Variants in ADGRA2 observed in about 807,000 individuals in gnomAD.
ADGRA2 encodes G-protein coupled receptor 124.
A neutral mutation model predicts 98.7 loss-of-function variants in ADGRA2; 61 were observed. That is an observed-to-expected ratio of 0.62 (90% CI 0.50 to 0.76). ADGRA2 has a LOEUF of 0.76. ADGRA2 is among the 30% of genes least tolerant of loss of function. The pLI, the probability that ADGRA2 is intolerant of heterozygous loss-of-function variation, is 0.00. For missense variants in ADGRA2, 1,712 were observed against 1,860.0 expected (o/e 0.92, Z 1.46); for synonymous variants, 858 against 831.5 (o/e 1.03, Z -0.55).
At chr8:37,800,260 A>G (rs964722608) in intron 1 of ADGRA2, among the ~76,000 whole-genome samples, 1 of 152,176 alleles carries the variant, frequency 6.6e-6, no homozygotes, top group African/African-American at 2.4e-5. Context: ...CAGAGGAGAG[A>G]TGTATGGACC....
chr8:37,811,255 C>T (rs1244856387), intron 1 of ADGRA2, among the ~76,000 whole-genome samples: 3 of 148,940 alleles, frequency 2.0e-5, no homozygotes, highest in African/African-American at 7.4e-5. Context: ...CTGCAACCTC[C>T]GCCTCTTGGG....
rs1175011872 is a variant in ADGRA2 at position 37,830,503 on chromosome 8, T to C, written c.719-207T>C. ...GGTAACACGTGTGCTGAGAAAGGAG[T>C]ACTTTTCTTTGTCCAAAAACCGCCT... On this transcript the variant is annotated intron_variant, in intron 6 of 18. Coordinates refer to ENST00000412232, the MANE Select transcript of ADGRA2 (RefSeq NM_032777.10). This position sits in a 1 kb window ranked among gnomAD's most constrained non-coding sequence, Gnocchi z 4.8. Among the ~76,000 whole-genome samples the C allele has an allele frequency of 6.6e-6, 1 of 151,932 alleles. No individual in the cohort carries two copies. The highest frequency in any genetic ancestry group is 2.4e-5 in the African/African-American group (1 of 41,344).
Position 37,834,568 on chromosome 8 carries a change from C to T in ADGRA2, c.1608+440C>T, listed in dbSNP as rs757398740. ...CTTGGGGCGATGCAAAGGGGTGAGA[C>T]ATGGAGCCTGCTCTACAGCTGAGTC... On this transcript the variant is annotated intron_variant, in intron 11 of 18. Coordinates refer to ENST00000412232, the MANE Select transcript of ADGRA2 (RefSeq NM_032777.10). The surrounding 1 kb of genome is among the most constrained non-coding windows in gnomAD (Gnocchi z 4.2). Among the ~76,000 whole-genome samples, 2 of 152,160 alleles carry T rather than the reference C, an allele frequency of 1.3e-5. No individual in the cohort carries two copies. The highest frequency in any genetic ancestry group is 2.9e-5 in the Non-Finnish European group (2 of 68,032).
At chr8:37,824,440 T>C (rs1258271771) in intron 2 of ADGRA2, among the ~76,000 whole-genome samples, 1 of 152,010 alleles carries the variant, frequency 6.6e-6, no homozygotes, top group Non-Finnish European at 1.5e-5. Context: ...ATATTTTCTC[T>C]CATTTTGTGG....
chr8:37,825,982 A>G (rs1805268803), intron 2 of ADGRA2, among the ~76,000 whole-genome samples: 1 of 152,150 alleles, frequency 6.6e-6, no homozygotes, highest in Non-Finnish European at 1.5e-5. Context: ...AGGCCCCAGC[A>G]TGGCTGGGCT....
In ADGRA2 at chr8:37,844,812, C is replaced by T. The variant is rs746840840; in HGVS notation, c.*2457C>T. 10 of 1,614,048 alleles carry T rather than the reference C, an allele frequency of 6.2e-6. No individual in the cohort carries two copies. The highest frequency in any genetic ancestry group is 2.2e-5 in the East Asian group (1 of 44,888). ...GGTCTCCACTTCTGCTGTCCCATCC[C>T]GAAAGGCAGAGCGGACCAGTGACTG... On this transcript the variant is annotated 3_prime_UTR_variant, in exon 19 of 19. Transcript: ENST00000412232.
At chr8:37,818,018 G>A (rs538000633) in intron 2 of ADGRA2, among the ~76,000 whole-genome samples, 11 of 152,244 alleles carry the variant, frequency 7.2e-5, no homozygotes, top group South Asian at 2.1e-4. Flanking sequence ...GCAAGACTCC[G>A]TCTCTAAATA....
In ADGRA2 at chr8:37,797,416, C is replaced by T. The variant is rs1396494691; in HGVS notation, c.148C>T (p.Arg50Trp). 2 of 1,429,974 alleles carry T rather than the reference C, an allele frequency of 1.4e-6. No homozygotes were observed. The highest frequency in any genetic ancestry group is 2.4e-4 in the Middle Eastern group (1 of 4,164). The allele number at this position is 1,429,974 out of a possible 1,614,324, so 88.6% of individuals were successfully genotyped here. ...SIRSCKCSGE[R>W]PKGLSGGVPG... ...CCGCAGCTGCAAGTGCTCGGGGGAGCGGCCCAAGGGGCTGAGCGGCGGCGT... is the reference window on the plus strand; with the variant it reads ...CCGCAGCTGCAAGTGCTCGGGGGAGTGGCCCAAGGGGCTGAGCGGCGGCGT... The change falls in exon 1 of 19, where the codon CGG becomes TGG. Residue 50 changes from arginine (R) to tryptophan (W), a missense_variant. Arg to Trp is a moderately radical substitution (Grantham distance 101). Transcript: ENST00000412232. The surrounding 1 kb of genome is among the most constrained non-coding windows in gnomAD (Gnocchi z 5.3).
chr8:37,838,032 G>A, intron 14 of ADGRA2, 93 bp downstream of exon 14: 1 of 1,070,530 alleles, frequency 9.3e-7, no homozygotes, highest in East Asian at 2.8e-5. Flanking sequence ...TGGGACCATG[G>A]AGAAATACAG....
Position 37,830,627 on chromosome 8 carries a change from C to T in ADGRA2, c.719-83C>T. 1.4e-6 allele frequency: 1 copy of T among 707,978 alleles called. No individual in the cohort carries two copies. Among genetic ancestry groups the T allele is most frequent in the South Asian group, 1.7e-5 (1 of 59,064 alleles). 43.9% of individuals were successfully genotyped at this position (707,978 alleles called of 1,614,324 possible). On this transcript the variant is annotated intron_variant, in intron 6 of 18. Coordinates refer to ENST00000412232, the MANE Select transcript of ADGRA2 (RefSeq NM_032777.10). The surrounding 1 kb of genome is among the most constrained non-coding windows in gnomAD (Gnocchi z 4.8). ...GGCCGAGGGCCCCGCCCCGCCCCAC[C>T]CCATCCTGCTGGACTCTCGCTCACA...
chr8:37,799,325 C>T (rs1467293962), intron 1 of ADGRA2, among the ~76,000 whole-genome samples: 2 of 150,528 alleles, frequency 1.3e-5, no homozygotes, highest in African/African-American at 4.9e-5. Flanking sequence ...CAGTGAGCCG[C>T]GATCACGCCA....
Position 37,841,606 on chromosome 8 carries a change from G to C in ADGRA2, c.3268G>C (p.Ala1090Pro), listed in dbSNP as rs762464508. The change falls in exon 19 of 19, where the codon GCG (alanine) becomes CCG (proline). Residue 1090 changes from alanine (A) to proline (P), a missense_variant. Physicochemically the swap from Ala to Pro is conservative, Grantham distance 27. Coordinates refer to ENST00000412232, the MANE Select transcript of ADGRA2 (RefSeq NM_032777.10). The surrounding 1 kb of genome is among the most constrained non-coding windows in gnomAD (Gnocchi z 5.0). ...CGCCTGCTGCCCCCCTGCCTCTCCC[G>C]CGGCCCCCCATGCCCCGCCCCGGGC... ...WRACCPPASPAAPHAPPRALP... is the reference protein window; with the variant it reads ...WRACCPPASPPAPHAPPRALP... The C allele has an allele frequency of 1.9e-4, 299 of 1,564,114 alleles. No individual in the cohort carries two copies. Among genetic ancestry groups the C allele is most frequent in the Non-Finnish European group, 2.4e-4 (272 of 1,155,356 alleles).
intron 2 of ADGRA2, among the ~76,000 whole-genome samples, chr8:37,826,339 G>A (rs1043733623): frequency 4.6e-5 from 7 of 152,128 alleles, no homozygotes; most frequent in African/African-American, 1.4e-4. Context: ...CAAAACGGTG[G>A]GGGCTGGGCC....
At position 37,797,528 on chromosome 8, in the gene ADGRA2, T is replaced by C. The variant is rs767013969; in HGVS notation, c.260T>C (p.Val87Ala). The change falls in exon 1 of 19, where the codon GTT becomes GCT. Residue 87 changes from valine (V) to alanine (A), a missense_variant. Physicochemically the swap from Val to Ala is moderately conservative, Grantham distance 64. Transcript: ENST00000412232. The surrounding 1 kb of genome is among the most constrained non-coding windows in gnomAD (Gnocchi z 5.3). ...PEPGLLPNGT[V>A]TLLLSNNKIT... The stretch of plus-strand genomic sequence containing the variant: ...CCCGGCCTTCTGCCTAACGGCACCG[T>C]TACCCTGTGAGTACCCTACCAGGCC... 3 of 1,397,728 alleles carry C rather than the reference T, an allele frequency of 2.1e-6. No homozygotes were observed. The highest frequency in any genetic ancestry group is 5.6e-5 in the East Asian group (2 of 35,928). 86.6% of individuals were successfully genotyped at this position (1,397,728 alleles called of 1,614,324 possible). A position where few individuals can be genotyped will look rare whatever the true frequency, so the allele number is the denominator to read the frequency against.
chr8:37,816,786 T>G (rs577603485), intron 2 of ADGRA2, among the ~76,000 whole-genome samples: 1 of 152,020 alleles, frequency 6.6e-6, no homozygotes, highest in South Asian at 2.1e-4. Context: ...CATGGTGGCA[T>G]GCGCCTGTAG....
intron 2 of ADGRA2, among the ~76,000 whole-genome samples, chr8:37,828,280 A>G (rs1805339331): frequency 6.6e-6 from 1 of 152,132 alleles, no homozygotes; most frequent in Non-Finnish European, 1.5e-5. Flanking sequence ...TCCCAGGGCA[A>G]CCCCAGCGAC....
At chr8:37,817,497 G>T (rs946141312) in intron 2 of ADGRA2, among the ~76,000 whole-genome samples, 2 of 151,944 alleles carry the variant, frequency 1.3e-5, no homozygotes, top group African/African-American at 4.8e-5. Context: ...TTGAGCTCAG[G>T]AGCTCAAGAC....
chr8:37,828,809 T>C, intron 2 of ADGRA2, 79 bp from the exon 3 acceptor site: 1 of 1,108,998 alleles, frequency 9.0e-7, no homozygotes, highest in Non-Finnish European at 1.3e-6. Flanking sequence ...AACACCGTGG[T>C]GACAGTGAGG....
chr8:37,816,226 G>A (rs936364031), intron 2 of ADGRA2, among the ~76,000 whole-genome samples: 1 of 145,408 alleles, frequency 6.9e-6, no homozygotes, highest in East Asian at 1.9e-4. Flanking sequence ...GGAGTTCAAG[G>A]CTGCAGTGAG....
Sources: gnomAD v4.1 joint callset for allele counts (sites outside exome capture counted in the v4.1 genomes callset) on GRCh38, gnomAD v4.1.1 for gene constraint, Gnocchi (gnomAD v3.1) non-coding constraint, MANE v1.5 for transcripts, NCBI Gene and HGNC (gene_info 2026-07-23, HGNC 2026-07-21) for gene names.